Variants in SARDH observed in about 807,000 individuals in gnomAD.
SARDH encodes sarcosine dehydrogenase, mitochondrial.
In SARDH, 95 loss-of-function variants were observed where a neutral mutation model predicts 109.1. The observed-to-expected ratio is 0.87, with a 90% confidence interval of 0.74 to 1.03. SARDH has a LOEUF of 1.03. Ranked by LOEUF, SARDH falls within the 50% of genes least tolerant of loss-of-function variation. The probability of loss-of-function intolerance (pLI) is 0.00; values close to 1 mark genes in which losing one functional copy is unlikely to be tolerated. For missense variants in SARDH, 1,267 were observed against 1,287.8 expected (o/e 0.98, Z 0.25); for synonymous variants, 572 against 534.8 (o/e 1.07, Z -0.96).
At chr9:133,720,655 A>C (rs1361621124) in intron 6 of SARDH, among the ~76,000 whole-genome samples, 7 of 151,498 alleles carry the variant, frequency 4.6e-5, no homozygotes, top group Non-Finnish European at 8.8e-5. Context: ...AAAGAGAGAG[A>C]GAGCATGTGC....
intron 17 of SARDH, among the ~76,000 whole-genome samples, chr9:133,682,193 C>A (rs557553305): frequency 2.0e-5 from 3 of 152,136 alleles, no homozygotes; most frequent in Admixed American, 2.0e-4. Flanking sequence ...GAGGTGGACC[C>A]GGTGTGAAAC....
chr9:133,660,915 A>T (rs1225665041), downstream of SARDH, among the ~76,000 whole-genome samples: 1 of 152,242 alleles, frequency 6.6e-6, no homozygotes, highest in African/African-American at 2.4e-5. Context: ...AATTAAAATG[A>T]TACAAGGTCG....
chr9:133,681,103 G>A (rs532148242), intron 17 of SARDH, among the ~76,000 whole-genome samples: 15 of 152,352 alleles, frequency 9.8e-5, no homozygotes, highest in Non-Finnish European at 1.9e-4. Context: ...TCCTGGCTGG[G>A]GCTGTGTGGG....
Position 133,663,858 on chromosome 9 carries a change from C to T in SARDH, c.*31G>A. On this transcript the variant is annotated 3_prime_UTR_variant, in exon 21 of 21. Coordinates refer to ENST00000439388, the MANE Select transcript of SARDH (RefSeq NM_001134707.2). ...TTTGGGACCTGTGAGAATGGATGGA[C>T]AGCATGGGATGGGGCATGTGGTCTG... The T allele has an allele frequency of 1.2e-6, 2 of 1,612,080 alleles. No individual in the cohort carries two copies. Among genetic ancestry groups the T allele is most frequent in the Non-Finnish European group, 1.7e-6 (2 of 1,178,970 alleles).
intron 6 of SARDH, among the ~76,000 whole-genome samples, chr9:133,721,556 C>A (rs899417359): frequency 1.3e-5 from 2 of 152,148 alleles, no homozygotes; most frequent in African/African-American, 4.8e-5. Flanking sequence ...GGAGTGACAG[C>A]TTAGACCATG....
intron 10 of SARDH, among the ~76,000 whole-genome samples, chr9:133,710,271 C>T (rs1437469779): frequency 6.6e-6 from 1 of 152,244 alleles, no homozygotes; most frequent in Non-Finnish European, 1.5e-5. Context: ...GCTCAGAGAA[C>T]AGGAGCGACT....
intron 1 of SARDH, among the ~76,000 whole-genome samples, chr9:133,735,987 CCGAGATTGT>C: frequency 6.6e-6 from 1 of 151,724 alleles, no homozygotes; most frequent in Non-Finnish European, 1.5e-5. Context: ...CTGCAGTAAG[CCGAGATTGT>C]GCCATTGCAC....
rs1207984189 is a variant in SARDH, at chr9:133,686,584, G to A, written c.2070-1298C>T. On this transcript the variant is annotated intron_variant, in intron 16 of 20. Transcript: ENST00000439388. The surrounding 1 kb of genome is among the most constrained non-coding windows in gnomAD (Gnocchi z 4.0). Reference sequence around the variant, plus strand: ...AGCATCCCCCTATCCCAATGTGCCTGGCACAGAGCAGGCTCTCAGTAAATA... The same window carrying A: ...AGCATCCCCCTATCCCAATGTGCCTAGCACAGAGCAGGCTCTCAGTAAATA... Among the ~76,000 whole-genome samples, 2 of 151,594 alleles carry A rather than the reference G, an allele frequency of 1.3e-5. No homozygotes were observed. The highest frequency in any genetic ancestry group is 2.9e-5 in the Non-Finnish European group (2 of 67,898).
rs764125663 is a variant in SARDH, at chr9:133,671,613, C to A, written c.2248G>T (p.Ala750Ser). The A allele has an allele frequency of 4.4e-6, 7 of 1,603,312 alleles. No homozygotes were observed. Among genetic ancestry groups the A allele is most frequent in the Non-Finnish European group, 5.1e-6 (6 of 1,175,700 alleles). Reference sequence around the variant, plus strand: ...TGCTTGGCACCCGCGGCCATCACAGCCCGGTACACAGGCACGCAGGACGCC... The same window carrying A: ...TGCTTGGCACCCGCGGCCATCACAGACCGGTACACAGGCACGCAGGACGCC... ...PKASCVPVYRAVMAAGAKHGL... is the reference protein window; with the variant it reads ...PKASCVPVYRSVMAAGAKHGL... Residue 750 changes from alanine to serine, a missense_variant, in exon 18 of 21, where the codon GCT becomes TCT. Coordinates refer to ENST00000439388, the MANE Select transcript of SARDH (RefSeq NM_001134707.2).
chr9:133,736,943 C>T (rs762440099), intron 1 of SARDH, among the ~76,000 whole-genome samples: 6 of 152,244 alleles, frequency 3.9e-5, no homozygotes, highest in East Asian at 1.9e-4. Context: ...TATGCACGTT[C>T]GTTCACTCTC....
chr9:133,685,681 G>A (rs1364719655), intron 16 of SARDH, among the ~76,000 whole-genome samples: 1 of 152,206 alleles, frequency 6.6e-6, no homozygotes, highest in Non-Finnish European at 1.5e-5. Flanking sequence ...GCCTCTCCAG[G>A]TTTCCAACTC....
intron 16 of SARDH, among the ~76,000 whole-genome samples, chr9:133,689,533 C>A (rs1831017142): frequency 6.6e-6 from 1 of 152,214 alleles, no homozygotes; most frequent in South Asian, 2.1e-4. Context: ...GACGCATCCC[C>A]ATCAGCCCTG....
intron 1 of SARDH, among the ~76,000 whole-genome samples, chr9:133,735,627 A>C (rs928374408): frequency 6.6e-6 from 1 of 152,190 alleles, no homozygotes; most frequent in Non-Finnish European, 1.5e-5. Context: ...TCGTTCAAGC[A>C]AAGCTGTCTG....
intron 17 of SARDH, among the ~76,000 whole-genome samples, chr9:133,677,603 T>C (rs531079155): frequency 2.8e-4 from 43 of 152,366 alleles, no homozygotes; most frequent in African/African-American, 7.9e-4. Context: ...ACATGTCTGT[T>C]ATTATCAGAT....
chr9:133,715,097 C>A (rs1564284779), intron 8 of SARDH, among the ~76,000 whole-genome samples: 1 of 152,148 alleles, frequency 6.6e-6, no homozygotes, highest in Non-Finnish European at 1.5e-5. Flanking sequence ...GGAATGAGAG[C>A]TCTGCCTGCC....
chr9:133,672,859 C>G (rs901697080), intron 17 of SARDH, among the ~76,000 whole-genome samples: 1 of 152,208 alleles, frequency 6.6e-6, no homozygotes, highest in African/African-American at 2.4e-5. Flanking sequence ...CGTTGGGCAG[C>G]GGACATGGTG....
chr9:133,712,540 C>T lies in SARDH; in HGVS notation c.1328+79G>A. 2.3e-6 allele frequency: 3 copies of T among 1,304,450 alleles called. No homozygotes were observed. Among genetic ancestry groups the T allele is most frequent in the Non-Finnish European group, 3.3e-6 (3 of 919,452 alleles). The allele number at this position is 1,304,450 out of a possible 1,614,324, so 80.8% of individuals were successfully genotyped here. On this transcript the variant is annotated intron_variant, in intron 10 of 20. Coordinates refer to ENST00000439388, the MANE Select transcript of SARDH (RefSeq NM_001134707.2). This position sits in a 1 kb window ranked among gnomAD's most constrained non-coding sequence, Gnocchi z 4.1. The stretch of plus-strand genomic sequence containing the variant: ...CCTGGATTTCAGGCAAGGCTCCTTT[C>T]TCAGTAGCCCTCGCTGTTTACCCCA...
intron 8 of SARDH, among the ~76,000 whole-genome samples, chr9:133,715,588 C>A (rs948731699): frequency 2.6e-5 from 4 of 152,148 alleles, no homozygotes; most frequent in African/African-American, 9.7e-5. Flanking sequence ...AGATGCTGAG[C>A]GTGCCAGGAC....
At chr9:133,711,864 C>G (rs947919253) in intron 10 of SARDH, among the ~76,000 whole-genome samples, 1 of 152,152 alleles carries the variant, frequency 6.6e-6, no homozygotes, top group African/African-American at 2.4e-5. Flanking sequence ...GGCCACAGGC[C>G]CTGCTGTGTG....
Sources: gnomAD v4.1 joint callset for allele counts (sites outside exome capture counted in the v4.1 genomes callset) on GRCh38, gnomAD v4.1.1 for gene constraint, Gnocchi (gnomAD v3.1) non-coding constraint, MANE v1.5 for transcripts, NCBI Gene and HGNC (gene_info 2026-07-23, HGNC 2026-07-21) for gene names.